The following ABCA1 variants were observed in gnomAD, a reference collection of about 807,000 sequenced individuals.
ABCA1 encodes ATP binding cassette subfamily A member 1.
A neutral mutation model predicts 262.5 loss-of-function variants in ABCA1; 133 were observed. That is an observed-to-expected ratio of 0.51 (90% CI 0.44 to 0.59). The LOEUF (loss-of-function observed/expected upper bound fraction) is 0.59. ABCA1 is among the 20% of genes least tolerant of loss of function. ABCA1 has a pLI of 0.00. For synonymous variants in ABCA1, 1,022 were observed against 1,043.5 expected (o/e 0.98, Z 0.40); for missense variants, 2,452 against 2,777.5 (o/e 0.88, Z 2.63).
intron 7 of ABCA1, chr9:104,855,198 C>CT: frequency 1.1e-5 from 11 of 980,906 alleles, no homozygotes; most frequent in Non-Finnish European, 1.3e-5. Context: ...AAACTTCTAT[C>CT]TTTTTTTTCT....
intron 1 of ABCA1, among the ~76,000 whole-genome samples, chr9:104,905,113 T>C (rs1256086380): frequency 6.6e-6 from 1 of 152,104 alleles, no homozygotes; most frequent in African/African-American, 2.4e-5. Context: ...AGCCATGAAC[T>C]CTCCTAGCTG....
At chr9:104,872,638 C>T (rs570983660) in intron 5 of ABCA1, among the ~76,000 whole-genome samples, 9 of 152,256 alleles carry the variant, frequency 5.9e-5, no homozygotes, top group South Asian at 4.1e-4. Flanking sequence ...TATCATTATC[C>T]GGTGCAACTT....
intron 9 of ABCA1, among the ~76,000 whole-genome samples, chr9:104,838,544 G>A (rs1415479031): frequency 2.0e-5 from 3 of 151,418 alleles, no homozygotes; most frequent in African/African-American, 7.3e-5. Flanking sequence ...GTGAACCCGG[G>A]AGGCGGAGCT....
At chr9:104,920,108 C>T (rs1307263643) in intron 1 of ABCA1, among the ~76,000 whole-genome samples, 1 of 152,150 alleles carries the variant, frequency 6.6e-6, no homozygotes, top group Non-Finnish European at 1.5e-5. Flanking sequence ...ATTTTACAGA[C>T]CAACAACCTA....
Position 104,821,419 on chromosome 9 carries a change from C to T in ABCA1, c.2916G>A (p.Arg972=), listed in dbSNP as rs1398666786. Residue 972 remains arginine (R), a synonymous_variant, in exon 20 of 50, where the codon CGG becomes CGA. Transcript: ENST00000374736. ...GCTGGGGACAGACCCCCAGGTTCTG[C>T]CGGATGGTGCTCATCTCAGAGCGAA... ...KDIRSEMSTI[R]QNLGVCPQHN... is the part of the protein sequence containing the mutation. The T allele has an allele frequency of 1.2e-6, 2 of 1,614,108 alleles. No homozygotes were observed. Among genetic ancestry groups the T allele is most frequent in the East Asian group, 2.2e-5 (1 of 44,884 alleles).
intron 1 of ABCA1, among the ~76,000 whole-genome samples, chr9:104,912,688 G>A (rs567180586): frequency 6.6e-6 from 1 of 152,080 alleles, no homozygotes; most frequent in Non-Finnish European, 1.5e-5. Context: ...CAAACACCAA[G>A]CAACCTTCAA....
At chr9:104,844,834 A>G (rs1834720994) in intron 8 of ABCA1, among the ~76,000 whole-genome samples, 1 of 152,186 alleles carries the variant, frequency 6.6e-6, no homozygotes. Context: ...CAAGGCTGGG[A>G]GTCAGAAAGG....
chr9:104,823,764 C>T (rs1415179249), intron 18 of ABCA1, among the ~76,000 whole-genome samples: 1 of 152,042 alleles, frequency 6.6e-6, no homozygotes. Context: ...TTCTAGGTGA[C>T]TGAAACAGGA....
At chr9:104,867,919 T>C (rs1365592006) in intron 5 of ABCA1, among the ~76,000 whole-genome samples, 1 of 152,206 alleles carries the variant, frequency 6.6e-6, no homozygotes, top group Non-Finnish European at 1.5e-5. Flanking sequence ...AGATGATCTC[T>C]GAGGTCTTCT....
At position 104,837,499 on chromosome 9, in the gene ABCA1, G is replaced by A; in HGVS notation, c.1123C>T (p.Leu375=). The A allele has an allele frequency of 6.2e-7, 1 of 1,614,174 alleles. No individual in the cohort carries two copies. The highest frequency in any genetic ancestry group is 8.5e-7 in the Non-Finnish European group (1 of 1,180,018). The part of the protein sequence containing the change: ...SPLSRIIWKA[L]KPLLVGKILY... ...ATCTTCCCAACGAGCAGCGGCTTCA[G>A]AGCTTTCCAGATAATGCGGGAAAGA... Residue 375 remains leucine, a synonymous_variant, in exon 10 of 50, where the codon CTG becomes TTG. Transcript: ENST00000374736.
At chr9:104,843,012 C>T (rs745425400) in intron 8 of ABCA1, among the ~76,000 whole-genome samples, 1 of 152,158 alleles carries the variant, frequency 6.6e-6, no homozygotes, top group East Asian at 1.9e-4. Context: ...TCTTCCTGTT[C>T]GGAGTTTCCT....
At chr9:104,799,443 T>C in intron 36 of ABCA1, 1 of 785,824 alleles carries the variant, frequency 1.3e-6, no homozygotes, top group Non-Finnish European at 1.5e-6. Flanking sequence ...CACAGCTTAA[T>C]TTAGGAATTA....
At chr9:104,890,566 G>A (rs1014714780) in intron 2 of ABCA1, among the ~76,000 whole-genome samples, 13 of 151,672 alleles carry the variant, frequency 8.6e-5, no homozygotes, top group Non-Finnish European at 1.8e-4. Context: ...GGGCAACAGA[G>A]AGAGACTCCG....
intron 1 of ABCA1, among the ~76,000 whole-genome samples, chr9:104,913,171 C>G (rs1402894045): frequency 6.6e-6 from 1 of 152,192 alleles, no homozygotes; most frequent in Non-Finnish European, 1.5e-5. Context: ...GGCAGACAAA[C>G]CCAAATCTTA....
rs1836373569 is a variant in ABCA1, at chr9:104,861,433, A to C, written c.543+246T>G. 6.6e-6 allele frequency: 4 copies of C among 602,694 alleles called. No homozygotes were observed. In the African/African-American group the frequency reaches 7.4e-5, roughly 11 times the overall value. 37.3% of individuals were successfully genotyped at this position (602,694 alleles called of 1,614,324 possible). A position where few individuals can be genotyped will look rare whatever the true frequency, so the allele number is the denominator to read the frequency against. On this transcript the variant is annotated intron_variant, in intron 6 of 49. Transcript: ENST00000374736. ...TAGGAGGAAATCATCACAAATGCCA[A>C]GTGATAAGCCAGAAATCAATTTTAT... is the stretch of plus-strand genomic sequence containing the variant.
intron 2 of ABCA1, among the ~76,000 whole-genome samples, chr9:104,903,114 C>T (rs543097248): frequency 6.6e-6 from 1 of 152,276 alleles, no homozygotes; most frequent in South Asian, 2.1e-4. Flanking sequence ...AAGTGAATGG[C>T]TTAGAACCCT....
intron 2 of ABCA1, among the ~76,000 whole-genome samples, chr9:104,896,481 A>G (rs1305947048): frequency 6.6e-6 from 1 of 152,136 alleles, no homozygotes; most frequent in Non-Finnish European, 1.5e-5. Flanking sequence ...TAAAATAGCG[A>G]TAGGGTACTT....
rs781135581 is a variant in ABCA1 at position 104,788,387 on chromosome 9, G to A, written c.6069+39C>T. 8 of 1,613,888 alleles carry A rather than the reference G, an allele frequency of 5.0e-6. No homozygotes were observed. The South Asian group carries it at 7.7e-5, about 16-fold the overall frequency. On this transcript the variant is annotated intron_variant, in intron 45 of 49. Transcript: ENST00000374736. ...GCCATAAGGTATATATTGTCAGGAT[G>A]CCAAAGGAGACAGGCTGGCTTTCAG...
chr9:104,901,618 G>A (rs1435293080), intron 2 of ABCA1, among the ~76,000 whole-genome samples: 1 of 152,186 alleles, frequency 6.6e-6, no homozygotes, highest in Non-Finnish European at 1.5e-5. Context: ...ATAACCACGG[G>A]AGGCAGGGAG....
Sources: gnomAD v4.1 joint callset for allele counts (sites outside exome capture counted in the v4.1 genomes callset) on GRCh38, gnomAD v4.1.1 for gene constraint, MANE v1.5 for transcripts, NCBI Gene and HGNC (gene_info 2026-07-23, HGNC 2026-07-21) for gene names.